Variants in KMT2E observed in about 807,000 individuals in gnomAD.
KMT2E encodes histone reader KMT2E.
A neutral mutation model predicts 184.6 loss-of-function variants in KMT2E; 30 were observed. The observed-to-expected ratio is 0.16, with a 90% confidence interval of 0.12 to 0.22. KMT2E has a LOEUF of 0.22. Ranked by LOEUF, KMT2E falls within the 10% of genes least tolerant of loss-of-function variation. The pLI is 1.00. For missense variants in KMT2E, 2,023 were observed against 2,237.4 expected, an observed-to-expected ratio of 0.90 and a Z score of 1.93; for synonymous variants, 815 against 776.5, an observed-to-expected ratio of 1.05 and a Z score of -0.82.
intron 4 of KMT2E, 117 bp from the exon 5 acceptor site, chr7:105,063,234 G>A: frequency 1.4e-6 from 1 of 702,536 alleles, no homozygotes; most frequent in Non-Finnish European, 2.3e-6. Context: ...GAAGGAATGA[G>A]CCAGTCTCAT....
At chr7:105,103,620 C>T (rs1365746466) in intron 17 of KMT2E, 3 of 152,072 alleles carry the variant, frequency 2.0e-5, no homozygotes, top group Non-Finnish European at 4.4e-5. Context: ...TGGCTCCAGA[C>T]TCCATGTGTT....
At chr7:105,086,087 A>AT (rs1584777417) in intron 13 of KMT2E, among the ~76,000 whole-genome samples, 1 of 152,016 alleles carries the variant, frequency 6.6e-6, no homozygotes, top group African/African-American at 2.4e-5. Context: ...ATTCTTTAGC[A>AT]TTTTTTTCAC....
intron 3 of KMT2E, among the ~76,000 whole-genome samples, chr7:105,060,034 C>T (rs527446778): frequency 1.7e-4 from 18 of 105,978 alleles, no homozygotes; most frequent in East Asian, 1.5e-3. Context: ...TTAACTCTGT[C>T]GCCCAGGCTG....
intron 4 of KMT2E, 132 bp downstream of exon 4, chr7:105,062,410 T>A: frequency 1.8e-6 from 1 of 555,974 alleles, no homozygotes. Context: ...AATTAGGCGT[T>A]TAATTTTTCA....
intron 23 of KMT2E, among the ~76,000 whole-genome samples, chr7:105,110,040 G>A (rs1799131583): frequency 1.3e-5 from 2 of 151,944 alleles, no homozygotes; most frequent in Non-Finnish European, 2.9e-5. Flanking sequence ...TCACCATGCT[G>A]GCCAGGCTGG....
At chr7:105,097,986 G>A (rs1798485545) in intron 15 of KMT2E, among the ~76,000 whole-genome samples, 1 of 152,090 alleles carries the variant, frequency 6.6e-6, no homozygotes, top group Non-Finnish European at 1.5e-5. Context: ...AATAAAGAGT[G>A]CCATGAGTAT....
rs758674651 is a variant in KMT2E, at chr7:105,106,583, A to G, written c.2658A>G (p.Glu886=). ...FYQLLDSVYS[E]TSTPTPSPYA... is the part of the protein sequence containing the mutation. ...AGTTGCTAGATTCGGTTTACTCAGAAACCTCCACACCTACTCCTTCCCCGT... is the reference window on the plus strand; with the variant it reads ...AGTTGCTAGATTCGGTTTACTCAGAGACCTCCACACCTACTCCTTCCCCGT... Residue 886 remains glutamate (E), a synonymous_variant, in exon 20 of 27, where the codon GAA becomes GAG. Transcript: ENST00000311117. 2 of 1,613,458 alleles carry G rather than the reference A, an allele frequency of 1.2e-6. No homozygotes were observed. The highest frequency in any genetic ancestry group is 8.5e-7 in the Non-Finnish European group (1 of 1,179,490).
In KMT2E at chr7:105,114,691, G is replaced by A. The variant is rs1004329507; in HGVS notation, c.*1358G>A. Among the ~76,000 whole-genome samples, 2 of 152,106 alleles carry A rather than the reference G, an allele frequency of 1.3e-5. No individual in the cohort carries two copies. The highest frequency in any genetic ancestry group is 2.4e-5 in the African/African-American group (1 of 41,414). ...ATTTGGCACAGGATACAAATTCTGT[G>A]CATCAGAGAAAGTAAACACTAAAAT... is the stretch of plus-strand genomic sequence containing the variant. On this transcript the variant is annotated 3_prime_UTR_variant, in exon 27 of 27. Coordinates refer to ENST00000311117, the MANE Select transcript of KMT2E (RefSeq NM_182931.3).
At position 105,110,832 on chromosome 7, in the gene KMT2E, T is replaced by G. The variant is rs749891678; in HGVS notation, c.4032T>G (p.Ser1344=). 18 of 1,614,058 alleles carry G rather than the reference T, an allele frequency of 1.1e-5. 1 individual carries two copies. Among genetic ancestry groups the G allele is most frequent in the South Asian group, 8.8e-5 (8 of 91,074 alleles). Residue 1344 remains serine, a synonymous_variant, in exon 26 of 27, where the codon TCT becomes TCG. Coordinates refer to ENST00000311117, the MANE Select transcript of KMT2E (RefSeq NM_182931.3). ...ATGAATGTCCATCCCCAGATACTTCTCAAAATACTTGTAAAAGTCCTCCAA... is the reference window on the plus strand; with the variant it reads ...ATGAATGTCCATCCCCAGATACTTCGCAAAATACTTGTAAAAGTCCTCCAA... ...TTNECPSPDT[S]QNTCKSPPKM...
At chr7:105,029,215 A>G (rs1795298643) in intron 1 of KMT2E, among the ~76,000 whole-genome samples, 1 of 152,070 alleles carries the variant, frequency 6.6e-6, no homozygotes, top group Non-Finnish European at 1.5e-5. Flanking sequence ...GTGAGCTGAG[A>G]TCGTGCCACT....
chr7:105,015,304 G>A (rs1794670528), intron 1 of KMT2E, among the ~76,000 whole-genome samples: 1 of 152,180 alleles, frequency 6.6e-6, no homozygotes, highest in Non-Finnish European at 1.5e-5. Context: ...ACGGTTCACT[G>A]TGCTAAACGG....
intron 3 of KMT2E, among the ~76,000 whole-genome samples, chr7:105,051,120 C>T (rs1479467175): frequency 6.7e-6 from 1 of 149,672 alleles, no homozygotes; most frequent in Non-Finnish European, 1.5e-5. Context: ...TTCTTCCTTT[C>T]CTCCTTTCCT....
At chr7:105,063,250 T>C in intron 4 of KMT2E, 101 bp from the exon 5 acceptor site, 1 of 827,536 alleles carries the variant, frequency 1.2e-6, no homozygotes, top group Non-Finnish European at 1.9e-6. Context: ...CTCATATCTC[T>C]TGAGTATTGA....
At chr7:105,094,168 G>T (rs140896355) in intron 15 of KMT2E, among the ~76,000 whole-genome samples, 1 of 152,084 alleles carries the variant, frequency 6.6e-6, no homozygotes, top group Non-Finnish European at 1.5e-5. Context: ...TATTATATTT[G>T]GTTTTGAAAA....
At chr7:105,055,822 T>C (rs1796553400) in intron 3 of KMT2E, among the ~76,000 whole-genome samples, 2 of 152,366 alleles carry the variant, frequency 1.3e-5, no homozygotes, top group East Asian at 1.9e-4. Context: ...ACTACTATTA[T>C]GAAGGCTCCT....
At position 105,081,727 on chromosome 7, in the gene KMT2E, A is replaced by G; in HGVS notation, c.1288A>G (p.Ile430Val). ...TCAAGATGGAACCATACATCTTTAT[A>G]TTTATTCTATACACAGTATTCCAAA... ...EIQDGTIHLY[I>V]YSIHSIPKGT... Residue 430 changes from isoleucine to valine, a missense_variant, in exon 13 of 27, where the codon ATT becomes GTT. This residue lies in a region of KMT2E where 68 missense variants were observed against 133.1 expected (regional missense o/e 0.51). Transcript: ENST00000311117. The G allele has an allele frequency of 6.5e-7, 1 of 1,535,632 alleles. No individual in the cohort carries two copies. Among genetic ancestry groups the G allele is most frequent in the Non-Finnish European group, 8.9e-7 (1 of 1,124,550 alleles).
chr7:105,021,566 A>G (rs2129564008), intron 1 of KMT2E, among the ~76,000 whole-genome samples: 1 of 152,302 alleles, frequency 6.6e-6, no homozygotes, highest in East Asian at 1.9e-4. Context: ...GAAAGTACAG[A>G]TGGGCCTCAC....
chr7:105,014,742 C>A (rs1056006703), intron 1 of KMT2E, among the ~76,000 whole-genome samples: 1 of 151,742 alleles, frequency 6.6e-6, no homozygotes, highest in Non-Finnish European at 1.5e-5. Context: ...AGCATTATGG[C>A]GGGTTTTAGG....
intron 15 of KMT2E, among the ~76,000 whole-genome samples, chr7:105,095,539 G>C (rs1422816754): frequency 1.3e-5 from 2 of 152,096 alleles, no homozygotes; most frequent in African/African-American, 2.4e-5. Context: ...CAAGATGGAA[G>C]GCCTTTTCAT....
Sources: allele counts gnomAD v4.1 joint callset (sites outside exome capture counted in the v4.1 genomes callset), GRCh38; gene constraint gnomAD v4.1.1; regional missense constraint gnomAD v4.1.1; transcripts MANE v1.5; gene names NCBI Gene and HGNC (gene_info 2026-07-23, HGNC 2026-07-21).